Variants in SHROOM3 observed in about 807,000 individuals in gnomAD.
SHROOM3 encodes protein Shroom3.
A neutral mutation model predicts 138.6 loss-of-function variants in SHROOM3; 47 were observed. The observed-to-expected ratio is 0.34, with a 90% confidence interval of 0.27 to 0.43. The LOEUF (loss-of-function observed/expected upper bound fraction) is 0.43, where lower values mean the gene tolerates loss of function less well. Ranked by LOEUF, SHROOM3 falls within the 20% of genes least tolerant of loss-of-function variation. The pLI is 1.00. For missense variants in SHROOM3, 2,491 were observed against 2,596.5 expected (o/e 0.96, Z 0.88); for synonymous variants, 1,062 against 1,063.3 (o/e 1.00, Z 0.02).
chr4:76,734,845 A>C (rs1055508167), intron 4 of SHROOM3, among the ~76,000 whole-genome samples: 1 of 152,206 alleles, frequency 6.6e-6, no homozygotes, highest in Non-Finnish European at 1.5e-5. Flanking sequence ...TATAATGTCA[A>C]GTAGTGGTAA....
At chr4:76,473,240 T>A (rs1239526004) in intron 1 of SHROOM3, among the ~76,000 whole-genome samples, 1 of 152,204 alleles carries the variant, frequency 6.6e-6, no homozygotes, top group East Asian at 1.9e-4. Flanking sequence ...ACCTATAGAA[T>A]GCAAGAAAAT....
At chr4:76,576,961 G>A (rs1275380769) in intron 2 of SHROOM3, among the ~76,000 whole-genome samples, 2 of 152,116 alleles carry the variant, frequency 1.3e-5, no homozygotes, top group Non-Finnish European at 2.9e-5. Flanking sequence ...TATTGATTTG[G>A]TGAATGGTGA....
chr4:76,749,152 G>A, intron 6 of SHROOM3, 62 bp downstream of exon 6: 1 of 1,442,996 alleles, frequency 6.9e-7, no homozygotes, highest in South Asian at 1.1e-5. Context: ...AACTACTCTT[G>A]TTCCTTTCTA....
At chr4:76,592,807 C>A (rs1734301783) in intron 2 of SHROOM3, among the ~76,000 whole-genome samples, 1 of 152,114 alleles carries the variant, frequency 6.6e-6, no homozygotes, top group Admixed American at 6.6e-5. Context: ...GATATCAATT[C>A]CCTTTTCTAG....
Position 76,754,948 on chromosome 4 carries a change from A to G in SHROOM3, c.4465A>G (p.Ile1489Val), listed in dbSNP as rs549974925. 2.0e-5 allele frequency: 33 copies of G among 1,614,122 alleles called. No homozygotes were observed. In the Admixed American group the frequency reaches 5.0e-4, roughly 24 times the overall value. The change falls in exon 7 of 11, where the codon ATA (isoleucine) becomes GTA (valine). Residue 1489 changes from isoleucine (I) to valine (V), a missense_variant. Coordinates refer to ENST00000296043, the MANE Select transcript of SHROOM3 (RefSeq NM_020859.4). ...PSTPGRISLR[I>V]SESVLRDSPP... ...CACTCCAGGGAGGATCTCCCTCCGA[A>G]TATCTGAGTCTGTCCTGCGGGACTC...
intron 3 of SHROOM3, among the ~76,000 whole-genome samples, chr4:76,713,953 T>G (rs1720304031): frequency 6.6e-6 from 1 of 152,208 alleles, no homozygotes; most frequent in Non-Finnish European, 1.5e-5. Flanking sequence ...GGGACTAACC[T>G]AGGAAATCAG....
intron 2 of SHROOM3, among the ~76,000 whole-genome samples, chr4:76,604,924 G>A (rs539439390): frequency 2.2e-4 from 33 of 152,110 alleles, no homozygotes; most frequent in Non-Finnish European, 4.0e-4. Context: ...TTTATCTGTA[G>A]GGTCCATTTT....
chr4:76,708,419 T>C (rs1720129416), intron 2 of SHROOM3, among the ~76,000 whole-genome samples: 1 of 151,186 alleles, frequency 6.6e-6, no homozygotes, highest in Admixed American at 6.6e-5. Flanking sequence ...AAAACTTTGG[T>C]TTACACAAAA....
At chr4:76,470,689 G>A (rs1731351376) in intron 1 of SHROOM3, among the ~76,000 whole-genome samples, 1 of 152,116 alleles carries the variant, frequency 6.6e-6, no homozygotes, top group African/African-American at 2.4e-5. Flanking sequence ...TGAAGCCCTT[G>A]GAAAATGTAT....
chr4:76,535,734 C>A lies in SHROOM3; in HGVS notation c.169-19875C>A, dbSNP rs529622881. 6.6e-5 allele frequency among the ~76,000 whole-genome samples: 10 copies of A among 152,320 alleles called. No individual in the cohort carries two copies. The South Asian group carries it at 1.9e-3, about 28-fold the overall frequency. On this transcript the variant is annotated intron_variant, in intron 1 of 10. Transcript: ENST00000296043. ...GAATGGCCCATCATCATAAAATAAGCAGGGAGTTTGGCTGGGAGCCATGCC... is the reference window on the plus strand; with the variant it reads ...GAATGGCCCATCATCATAAAATAAGAAGGGAGTTTGGCTGGGAGCCATGCC...
intron 1 of SHROOM3, among the ~76,000 whole-genome samples, chr4:76,518,246 A>C (rs71607360): frequency 0.11 from 15,998 of 152,130 alleles, 923 homozygotes; most frequent in South Asian, 0.21. Flanking sequence ...TCAAACCTCT[A>C]TAATTCTTTA....
At chr4:76,502,292 A>T (rs1732114112) in intron 1 of SHROOM3, among the ~76,000 whole-genome samples, 1 of 152,238 alleles carries the variant, frequency 6.6e-6, no homozygotes. Context: ...GTTATAAGCA[A>T]CAGAAAATGC....
chr4:76,618,692 A>G (rs1286640495), intron 2 of SHROOM3, among the ~76,000 whole-genome samples: 1 of 152,218 alleles, frequency 6.6e-6, no homozygotes, highest in African/African-American at 2.4e-5. Flanking sequence ...TCCTAAGAAC[A>G]TGGATATTCT....
chr4:76,713,400 A>G (rs1720287759), intron 3 of SHROOM3, among the ~76,000 whole-genome samples: 1 of 152,070 alleles, frequency 6.6e-6, no homozygotes. Context: ...GCCTAGGCCA[A>G]ACAGAGCAGG....
At chr4:76,681,625 G>GTGTGTGTGTGTGTGTA (rs150048957) in intron 2 of SHROOM3, among the ~76,000 whole-genome samples, 54 of 117,898 alleles carry the variant, frequency 4.6e-4, no homozygotes, top group African/African-American at 6.0e-4. Context: ...GTGTGTGTGT[G>GTGTGTGTGTGTGTGTA]TGTGTGTGTA....
At chr4:76,616,601 C>T (rs1472078234) in intron 2 of SHROOM3, among the ~76,000 whole-genome samples, 1 of 152,004 alleles carries the variant, frequency 6.6e-6, no homozygotes, top group African/African-American at 2.4e-5. Context: ...TATCTGATTC[C>T]GATTATCTGA....
chr4:76,511,211 C>A (rs1265545522), intron 1 of SHROOM3, among the ~76,000 whole-genome samples: 3 of 151,864 alleles, frequency 2.0e-5, no homozygotes, highest in Admixed American at 2.0e-4. Context: ...AATAATAATG[C>A]CACAGCAATT....
In SHROOM3 at chr4:76,740,340, C is replaced by A. The variant is rs754770833; in HGVS notation, c.2167C>A (p.Pro723Thr). The A allele has an allele frequency of 6.2e-7, 1 of 1,612,966 alleles. No individual in the cohort carries two copies. The highest frequency in any genetic ancestry group is 1.7e-5 in the Admixed American group (1 of 60,010). ...GSHLDRQVSY[P>T]RPEGRTGASA... Reference sequence around the variant, plus strand: ...CCATCTGGACCGGCAGGTTTCCTACCCGCGGCCCGAGGGGAGGACCGGTGC... The same window carrying A: ...CCATCTGGACCGGCAGGTTTCCTACACGCGGCCCGAGGGGAGGACCGGTGC... The change falls in exon 5 of 11, where the codon CCG (proline) becomes ACG (threonine). Residue 723 changes from proline to threonine, a missense_variant. Physicochemically the swap from Pro to Thr is conservative, Grantham distance 38. Around this residue, in one of 4 missense-constraint regions of SHROOM3, gnomAD observed 1,733 missense variants for 1,661.6 expected, o/e 1.04. Coordinates refer to ENST00000296043, the MANE Select transcript of SHROOM3 (RefSeq NM_020859.4). This position sits in a 1 kb window ranked among gnomAD's most constrained non-coding sequence, Gnocchi z 4.0.
In SHROOM3 at chr4:76,779,060, A is replaced by G. The variant is rs534638772; in HGVS notation, c.5874A>G (p.Ser1958=). 2 of 1,614,224 alleles carry G rather than the reference A, an allele frequency of 1.2e-6. No individual in the cohort carries two copies. The highest frequency in any genetic ancestry group is 3.3e-5 in the Admixed American group (2 of 60,026). ...QVKCLLESLP[S]DFIPKAGALA... is the part of the protein sequence containing the mutation. ...AGTGTCTGCTGGAGAGCCTGCCCTCAGATTTCATTCCCAAGGCTGGGGCCC... is the reference window on the plus strand; with the variant it reads ...AGTGTCTGCTGGAGAGCCTGCCCTCGGATTTCATTCCCAAGGCTGGGGCCC... Residue 1958 remains serine, a synonymous_variant, in exon 11 of 11, where the codon TCA becomes TCG. Transcript: ENST00000296043.
Sources: gnomAD v4.1 joint callset for allele counts (sites outside exome capture counted in the v4.1 genomes callset) on GRCh38, gnomAD v4.1.1 for gene constraint, gnomAD v4.1.1 regional missense constraint, Gnocchi (gnomAD v3.1) non-coding constraint, MANE v1.5 for transcripts, NCBI Gene and HGNC (gene_info 2026-07-23, HGNC 2026-07-21) for gene names.